Variants in EGF observed in about 807,000 individuals in gnomAD.
EGF encodes pro-epidermal growth factor.
A neutral mutation model predicts 143.8 loss-of-function variants in EGF; 95 were observed. That is an observed-to-expected ratio of 0.66 (90% confidence interval 0.56 to 0.78). The LOEUF (loss-of-function observed/expected upper bound fraction) is 0.78, where lower values mean the gene tolerates loss of function less well. EGF is among the 30% of genes least tolerant of loss of function. The pLI, the probability that EGF is intolerant of heterozygous loss-of-function variation, is 0.00. For missense variants in EGF, 1,320 were observed against 1,470.9 expected, an observed-to-expected ratio of 0.90 and a Z score of 1.68; for synonymous variants, 510 against 510.5, an observed-to-expected ratio of 1.00 and a Z score of 0.01.
Position 110,011,580 on chromosome 4 carries a change from A to C in EGF, c.*125A>C. The C allele has an allele frequency of 4.3e-6, 6 of 1,395,292 alleles. No homozygotes were observed. Among genetic ancestry groups the C allele is most frequent in the Non-Finnish European group, 6.0e-6 (6 of 1,006,434 alleles). 86.4% of individuals were successfully genotyped at this position (1,395,292 alleles called of 1,614,324 possible). A position where few individuals can be genotyped will look rare whatever the true frequency, so the allele number is the denominator to read the frequency against. On this transcript the variant is annotated 3_prime_UTR_variant, in exon 24 of 24. Transcript: ENST00000265171. ...ATCTCTACGACTAATCACCTACTCAATGCCTGGAGACAGATACGTAGTTGT... is the reference window on the plus strand; with the variant it reads ...ATCTCTACGACTAATCACCTACTCACTGCCTGGAGACAGATACGTAGTTGT...
rs928853227 is a variant in EGF at position 109,913,136 on chromosome 4, T to C, written c.-200T>C. On this transcript the variant is annotated 5_prime_UTR_variant, in exon 1 of 24. Transcript: ENST00000265171. ...AAAGAAATCTTTCCTGTGGCTTCCC[T>C]TGGCAGGCTGCATTCAGAAGGTCTC... is the stretch of plus-strand genomic sequence containing the variant. The C allele has an allele frequency of 5.2e-6, 3 of 577,148 alleles. No individual in the cohort carries two copies. Among genetic ancestry groups the C allele is most frequent in the Admixed American group, 3.0e-5 (1 of 33,264 alleles). 35.8% of individuals were successfully genotyped at this position (577,148 alleles called of 1,614,324 possible).
chr4:109,949,927 T>G (rs1489154330), intron 5 of EGF, among the ~76,000 whole-genome samples: 1 of 152,188 alleles, frequency 6.6e-6, no homozygotes, highest in Middle Eastern at 3.2e-3. Flanking sequence ...CAGATATGTC[T>G]GCATGCTGCG....
rs548932345 is a variant in EGF, at chr4:110,011,934, T to A, written c.*479T>A. 1.2e-5 allele frequency: 2 copies of A among 163,360 alleles called. No individual in the cohort carries two copies. The highest frequency in any genetic ancestry group is 2.4e-5 in the African/African-American group (1 of 41,624). 10.1% of individuals were successfully genotyped at this position (163,360 alleles called of 1,614,324 possible). On this transcript the variant is annotated 3_prime_UTR_variant, in exon 24 of 24. Coordinates refer to ENST00000265171, the MANE Select transcript of EGF (RefSeq NM_001963.6). ...TACAGTGTAGGCATTTAACTCCTCATTGGCGTGGTCCATGCTGATGATTTT... is the reference window on the plus strand; with the variant it reads ...TACAGTGTAGGCATTTAACTCCTCAATGGCGTGGTCCATGCTGATGATTTT...
chr4:110,008,070 C>T, intron 22 of EGF, 82 bp from the exon 23 acceptor site: 1 of 1,261,478 alleles, frequency 7.9e-7, no homozygotes, highest in South Asian at 1.2e-5. Context: ...CATCGTAAAG[C>T]CATAGACTTT....
At chr4:110,007,127 T>A (rs1753409068) in intron 22 of EGF, among the ~76,000 whole-genome samples, 1 of 152,222 alleles carries the variant, frequency 6.6e-6, no homozygotes, top group African/African-American at 2.4e-5. Context: ...ATGATTTGTA[T>A]TATAAGAAAA....
chr4:109,983,513 C>T lies in EGF; in HGVS notation c.2463C>T (p.His821=), dbSNP rs372992676. 3 of 1,613,724 alleles carry T rather than the reference C, an allele frequency of 1.9e-6. No individual in the cohort carries two copies. In the African/African-American group the frequency reaches 4.0e-5, roughly 22 times the overall value. The part of the protein sequence containing the change: ...VSEDNITESQ[H]MLVAEIMVSD... ...AAGATAACATTACAGAATCTCAACACATGCTAGTGGCTGAAATCATGGTGT... is the reference window on the plus strand; with the variant it reads ...AAGATAACATTACAGAATCTCAACATATGCTAGTGGCTGAAATCATGGTGT... Residue 821 remains histidine, a synonymous_variant, in exon 16 of 24, where the codon CAC becomes CAT. Transcript: ENST00000265171.
At chr4:109,976,449 G>A (rs189839160) in intron 13 of EGF, among the ~76,000 whole-genome samples, 1 of 152,264 alleles carries the variant, frequency 6.6e-6, no homozygotes, top group African/African-American at 2.4e-5. Context: ...CTCTTTCTGA[G>A]AAGTCCCAAA....
At chr4:109,947,761 C>T (rs927712266) in intron 5 of EGF, among the ~76,000 whole-genome samples, 1 of 152,200 alleles carries the variant, frequency 6.6e-6, no homozygotes, top group African/African-American at 2.4e-5. Flanking sequence ...TGTCTGCCAT[C>T]ATCATAACCC....
chr4:109,994,602 C>T, intron 19 of EGF, 131 bp from the exon 20 acceptor site: 1 of 1,053,536 alleles, frequency 9.5e-7, no homozygotes, highest in South Asian at 1.3e-5. Flanking sequence ...AAACTATTGT[C>T]CCTTCTAGTA....
At chr4:110,007,998 T>C (rs1753535500) in intron 22 of EGF, among the ~76,000 whole-genome samples, 154 bp from the exon 23 acceptor site, 1 of 152,238 alleles carries the variant, frequency 6.6e-6, no homozygotes, top group South Asian at 2.1e-4. Context: ...TGAATCTCTC[T>C]TTAGATAGAA....
intron 1 of EGF, among the ~76,000 whole-genome samples, chr4:109,917,772 CA>C (rs910780248): frequency 3.3e-5 from 5 of 152,024 alleles, no homozygotes; most frequent in South Asian, 4.2e-4. Context: ...AGGCATATGC[CA>C]CCACACCTGC....
intron 1 of EGF, among the ~76,000 whole-genome samples, chr4:109,917,052 C>T (rs1736783685): frequency 6.6e-6 from 1 of 152,092 alleles, no homozygotes; most frequent in Non-Finnish European, 1.5e-5. Context: ...TAAAAAATTT[C>T]ATTCATTGCA....
chr4:109,981,839 C>T (rs1749415206), intron 15 of EGF, among the ~76,000 whole-genome samples: 1 of 152,044 alleles, frequency 6.6e-6, no homozygotes, highest in African/African-American at 2.4e-5. Flanking sequence ...TATTTTATTA[C>T]ATAGAGTGTT....
chr4:109,994,604 C>T, intron 19 of EGF, 129 bp from the exon 20 acceptor site: 2 of 1,087,848 alleles, frequency 1.8e-6, no homozygotes, highest in East Asian at 4.9e-5. Flanking sequence ...ACTATTGTCC[C>T]TTCTAGTAGT....
intron 14 of EGF, 101 bp downstream of exon 14, chr4:109,980,240 G>A (rs1370112963): frequency 1.6e-6 from 2 of 1,263,762 alleles, no homozygotes; most frequent in African/African-American, 1.5e-5. Flanking sequence ...AGGGGATTTT[G>A]TAACTTTCAC....
chr4:110,003,473 A>G (rs999421116), intron 21 of EGF, among the ~76,000 whole-genome samples: 1 of 152,036 alleles, frequency 6.6e-6, no homozygotes, highest in African/African-American at 2.4e-5. Context: ...AACCCACACC[A>G]TCTCTTGGTA....
intron 1 of EGF, among the ~76,000 whole-genome samples, chr4:109,921,916 CA>C (rs991613925): frequency 6.6e-6 from 1 of 151,590 alleles, no homozygotes; most frequent in African/African-American, 2.4e-5. Flanking sequence ...TGTCATAATA[CA>C]TGCCGGTTGA....
At chr4:109,992,771 A>T (rs1360089903) in intron 18 of EGF, among the ~76,000 whole-genome samples, 1 of 152,122 alleles carries the variant, frequency 6.6e-6, no homozygotes, top group Non-Finnish European at 1.5e-5. Context: ...GCAACCATAA[A>T]AAATGATGAG....
chr4:110,009,186 C>T (rs6811614), intron 23 of EGF, among the ~76,000 whole-genome samples: 36 of 152,010 alleles, frequency 2.4e-4, no homozygotes, highest in Non-Finnish European at 4.9e-4. Flanking sequence ...ACTTTATTAC[C>T]TAATTTGAAG....
Sources: allele counts gnomAD v4.1 joint callset (sites outside exome capture counted in the v4.1 genomes callset), GRCh38; gene constraint gnomAD v4.1.1; transcripts MANE v1.5; gene names NCBI Gene and HGNC (gene_info 2026-07-23, HGNC 2026-07-21).